Variants in PTHLH observed in about 807,000 individuals in gnomAD.
PTHLH encodes parathyroid hormone-related protein.
Under a neutral mutation model 18.6 loss-of-function variants are expected in PTHLH, and 5 were observed. The observed-to-expected ratio is 0.27, with a 90% CI of 0.14 to 0.56. The LOEUF (loss-of-function observed/expected upper bound fraction) is 0.56. Among genes scored for constraint, PTHLH ranks in the 20% least tolerant of loss-of-function variants. The pLI, the probability that PTHLH is intolerant of heterozygous loss-of-function variation, is 0.92. For missense variants in PTHLH, 207 were observed against 223.9 expected (o/e 0.92, Z 0.48); for synonymous variants, 90 against 94.0 (o/e 0.96, Z 0.25).
Position 27,969,431 on chromosome 12 carries a change from A to G in PTHLH, c.64T>C (p.Ser22Pro), listed in dbSNP as rs761108118. 1.6e-5 allele frequency: 26 copies of G among 1,594,974 alleles called. No homozygotes were observed. The South Asian group carries it at 2.8e-4, about 17-fold the overall frequency. Residue 22 changes from serine (S) to proline (P), a missense_variant, in exon 4 of 6, where the codon TCC becomes CCC. Coordinates refer to ENST00000545234, the MANE Select transcript of PTHLH (RefSeq NM_198965.2). ...AGACCCTCCACCGAGCGCCCGCAGG[A>G]GGGCACCGCGTAGCTCAGCAGGAAC... The part of the protein sequence containing the change: ...AVFLLSYAVP[S>P]CGRSVEGLSR...
intron 5 of PTHLH, among the ~76,000 whole-genome samples, chr12:27,959,193 A>C (rs2062734811): frequency 6.6e-6 from 1 of 152,194 alleles, no homozygotes; most frequent in Non-Finnish European, 1.5e-5. Flanking sequence ...TTTAAACACT[A>C]ATGAATGAAA....
intron 4 of PTHLH, chr12:27,969,052 A>C: frequency 3.3e-6 from 1 of 306,828 alleles, no homozygotes; most frequent in Non-Finnish European, 6.2e-6. Flanking sequence ...TCCGAGTTTC[A>C]GAAGCTTCCC....
chr12:27,963,474 C>T lies in PTHLH; in HGVS notation c.398G>A (p.Arg133His), dbSNP rs997861147. Residue 133 changes from arginine (R) to histidine (H), a missense_variant, in exon 5 of 6, where the codon CGC becomes CAC. Transcript: ENST00000545234. ...CCGTTTTTTCTTTTCCTGCTCCTTGCGTTTCCCGGGCTTGCCTTTCTTTTT... is the reference window on the plus strand; with the variant it reads ...CCGTTTTTTCTTTTCCTGCTCCTTGTGTTTCCCGGGCTTGCCTTTCTTTTT... ...GKKKKGKPGK[R>H]KEQEKKKRRT... 3.7e-6 allele frequency: 6 copies of T among 1,614,062 alleles called. No homozygotes were observed. The African/African-American group carries it at 4.0e-5, about 11-fold the overall frequency.
intron 2 of PTHLH, among the ~76,000 whole-genome samples, chr12:27,971,583 A>C (rs935457772): frequency 6.6e-6 from 1 of 152,006 alleles, no homozygotes; most frequent in Non-Finnish European, 1.5e-5. Context: ...GGGTGGGAGA[A>C]ATAGCACGCT....
intron 2 of PTHLH, among the ~76,000 whole-genome samples, chr12:27,970,636 G>A (rs1207372391): frequency 6.6e-6 from 1 of 152,024 alleles, no homozygotes; most frequent in Non-Finnish European, 1.5e-5. Context: ...ATCCCCGAGG[G>A]CGTGCGGACT....
At position 27,963,480 on chromosome 12, in the gene PTHLH, C is replaced by T. The variant is rs764884828; in HGVS notation, c.392G>A (p.Gly131Glu). 1 of 1,614,188 alleles carries T rather than the reference C, an allele frequency of 6.2e-7. No homozygotes were observed. The highest frequency in any genetic ancestry group is 1.1e-5 in the South Asian group (1 of 91,082). Residue 131 changes from glycine (G) to glutamate (E), a missense_variant, in exon 5 of 6, where the codon GGG (glycine) becomes GAG (glutamate). Transcript: ENST00000545234. ...TPGKKKKGKP[G>E]KRKEQEKKKR... is the part of the protein sequence containing the mutation. Reference sequence around the variant, plus strand: ...TTTCTTTTCCTGCTCCTTGCGTTTCCCGGGCTTGCCTTTCTTTTTCTTCCC... The same window carrying T: ...TTTCTTTTCCTGCTCCTTGCGTTTCTCGGGCTTGCCTTTCTTTTTCTTCCC...
At chr12:27,962,048 A>G in intron 5 of PTHLH, 1 of 628,412 alleles carries the variant, frequency 1.6e-6, no homozygotes, top group Non-Finnish European at 2.8e-6. Context: ...GCATCGATAA[A>G]GAAGCAGGGC....
rs2062728796 is a variant in PTHLH at position 27,958,391 on chromosome 12, A to AG, written c.*167_*168insC. On this transcript the variant is annotated 3_prime_UTR_variant, in exon 6 of 6. Coordinates refer to ENST00000545234, the MANE Select transcript of PTHLH (RefSeq NM_198965.2). ...AATAATTGGATTAGCCTTGGCAAAA[A>AG]AAAAATATTCACAATGACCAATGTG... 1.8e-6 allele frequency: 1 copy of AG among 541,806 alleles called. No homozygotes were observed. Among genetic ancestry groups the AG allele is most frequent in the African/African-American group, 2.0e-5 (1 of 50,662 alleles). 33.6% of individuals were successfully genotyped at this position (541,806 alleles called of 1,614,324 possible).
In PTHLH at chr12:27,972,731, A is replaced by G. The variant is rs1207607282; in HGVS notation, c.-567T>C. On this transcript the variant is annotated 5_prime_UTR_variant, in exon 1 of 6. Transcript: ENST00000545234. ...GTACCTCTTCCAAGCTGCCCTGTTT[A>G]TTACTTTCCGTAGAAATTCTCCTCA... The G allele has an allele frequency of 6.6e-6, 1 of 152,172 alleles. No homozygotes were observed. Among genetic ancestry groups the G allele is most frequent in the South Asian group, 2.1e-4 (1 of 4,830 alleles). The allele number at this position is 152,172 out of a possible 1,614,324, so 9.4% of individuals were successfully genotyped here.
At chr12:27,964,280 T>TCTCACA (rs147712936) in intron 4 of PTHLH, among the ~76,000 whole-genome samples, 1 of 140,550 alleles carries the variant, frequency 7.1e-6, no homozygotes, top group African/African-American at 2.7e-5. Context: ...TCTCTCTCTC[T>TCTCACA]CACACACACA....
Position 27,965,347 on chromosome 12 carries a change from G to T in PTHLH, c.102-1577C>A, listed in dbSNP as rs2062803140. Among the ~76,000 whole-genome samples the T allele has an allele frequency of 2.6e-5, 4 of 152,236 alleles. No homozygotes were observed. In the South Asian group the frequency reaches 8.3e-4, roughly 32 times the overall value. ...ACGGTAAGGAGAGTACAGGGTATAT[G>T]CATGGGGCATAGAGTAACAAGCCAC... On this transcript the variant is annotated intron_variant, in intron 4 of 5. Transcript: ENST00000545234.
At chr12:27,959,696 G>A (rs1169958562) in intron 5 of PTHLH, among the ~76,000 whole-genome samples, 1 of 152,154 alleles carries the variant, frequency 6.6e-6, no homozygotes, top group Non-Finnish European at 1.5e-5. Flanking sequence ...TACAGAAAAA[G>A]CAAATTGAAC....
intron 4 of PTHLH, 50 bp from the exon 5 acceptor site, chr12:27,963,820 T>C: frequency 6.4e-7 from 1 of 1,569,092 alleles, no homozygotes; most frequent in Middle Eastern, 1.7e-4. Flanking sequence ...TTTTAGTTGC[T>C]GATAGAGACA....
chr12:27,964,369 A>AGT (rs2062793473), intron 4 of PTHLH, among the ~76,000 whole-genome samples: 1 of 152,050 alleles, frequency 6.6e-6, no homozygotes, highest in Admixed American at 6.6e-5. Context: ...CTGAAGGAGA[A>AGT]GTGAGCAGTG....
At chr12:27,967,132 T>A (rs973778108) in intron 4 of PTHLH, among the ~76,000 whole-genome samples, 8 of 152,228 alleles carry the variant, frequency 5.3e-5, no homozygotes, top group Non-Finnish European at 1.0e-4. Flanking sequence ...GTTTTAGGTT[T>A]CTGAATCTGT....
At chr12:27,962,412 G>T in intron 5 of PTHLH, 2 of 410,982 alleles carry the variant, frequency 4.9e-6, no homozygotes, top group Non-Finnish European at 6.6e-6. Flanking sequence ...CTATGAGGTT[G>T]GTACAATTAT....
At chr12:27,970,587 C>G (rs2062862930) in intron 2 of PTHLH, among the ~76,000 whole-genome samples, 1 of 152,052 alleles carries the variant, frequency 6.6e-6, no homozygotes, top group South Asian at 2.1e-4. Flanking sequence ...CCTCCAGGCC[C>G]GGCCGGCTCC....
At chr12:27,969,148 A>ACG (rs1384778619) in intron 4 of PTHLH, 1 of 538,694 alleles carries the variant, frequency 1.9e-6, no homozygotes, top group Non-Finnish European at 3.3e-6. Context: ...ATTCTGTGAA[A>ACG]CGCTCCCTCT....
At position 27,970,151 on chromosome 12, in the gene PTHLH, A is replaced by AGCGGCAGGGAG. The variant is rs1250034937; in HGVS notation, c.-160_-150dup. 1.9e-6 allele frequency: 1 copy of AGCGGCAGGGAG among 517,672 alleles called. No homozygotes were observed. Among genetic ancestry groups the AGCGGCAGGGAG allele is most frequent in the Non-Finnish European group, 3.9e-6 (1 of 259,502 alleles). 32.1% of individuals were successfully genotyped at this position (517,672 alleles called of 1,614,324 possible). ...AGGGCGGGTCGTTAGTGGCAGCCGG[A>AGCGGCAGGGAG]GCGGCAGGGAGGCGGCAGCCCCGCT... On this transcript the variant is annotated 5_prime_UTR_variant, in exon 3 of 6. Transcript: ENST00000545234.
Sources: gnomAD v4.1 joint callset for allele counts (sites outside exome capture counted in the v4.1 genomes callset) on GRCh38, gnomAD v4.1.1 for gene constraint, MANE v1.5 for transcripts, NCBI Gene and HGNC (gene_info 2026-07-23, HGNC 2026-07-21) for gene names.